The following ADAP1 variants were observed in gnomAD, a reference collection of about 807,000 sequenced individuals.
ADAP1 encodes ArfGAP with dual PH domains 1, also known as arf-GAP with dual PH domain-containing protein 1.
In ADAP1, 31 loss-of-function variants were observed where a neutral mutation model predicts 54.9. The ratio of observed to expected loss-of-function variants is 0.56; its 90% confidence interval spans 0.42 to 0.76. ADAP1 has a LOEUF of 0.76. ADAP1 is among the 30% of genes least tolerant of loss of function. The pLI, the probability that ADAP1 is intolerant of heterozygous loss-of-function variation, is 0.00. For missense variants in ADAP1, 535 were observed against 512.4 expected, an observed-to-expected ratio of 1.04 and a Z score of -0.42; for synonymous variants, 313 against 202.6, an observed-to-expected ratio of 1.55 and a Z score of -4.63.
Position 906,696 on chromosome 7 carries a change from T to TGGG in ADAP1, c.389-1525_389-1524insCCC, listed in dbSNP as rs1562915237. Among the ~76,000 whole-genome samples, 207 of 25,012 alleles carry TGGG rather than the reference T, an allele frequency of 8.3e-3. 4 individuals carry two copies. The highest frequency in any genetic ancestry group is 0.033 in the African/African-American group (150 of 4,602). 16.4% of individuals were successfully genotyped at this position (25,012 alleles called of 152,430 possible). ...ACATGGACAGGGGACACGGGGGACA[T>TGGG]GGACATGGGGGACGGGACATCGGGG... is the stretch of plus-strand genomic sequence containing the variant. On this transcript the variant is annotated intron_variant, in intron 4 of 10. Transcript: ENST00000265846.
At chr7:927,516 C>T (rs1372938355) in intron 2 of ADAP1, 1 of 470,268 alleles carries the variant, frequency 2.1e-6, no homozygotes, top group Non-Finnish European at 4.4e-6. Flanking sequence ...CGCAGCCAGG[C>T]CCAGCCAGAC....
chr7:948,172 G>A (rs1215190064), intron 1 of ADAP1, among the ~76,000 whole-genome samples: 1 of 150,080 alleles, frequency 6.7e-6, no homozygotes, highest in Non-Finnish European at 1.5e-5. Context: ...TCCTGAATCT[G>A]CAGGACCTGA....
chr7:917,343 AG>A (rs1261554837), intron 4 of ADAP1, among the ~76,000 whole-genome samples: 3 of 14,148 alleles, frequency 2.1e-4, no homozygotes, highest in Non-Finnish European at 3.1e-4. Context: ...GGTGCACGGG[AG>A]GGGGGCGCAG....
Position 954,561 on chromosome 7 carries a change from C to A in ADAP1, c.-84G>T, listed in dbSNP as rs1583195299. ...TCGCTAGGGCCCCGCGCAGGCCGCC[C>A]GCCGCCGCCGCCCCTGCGCCATCCC... On this transcript the variant is annotated 5_prime_UTR_variant, in exon 1 of 11. Transcript: ENST00000265846. 1.2e-5 allele frequency: 12 copies of A among 988,044 alleles called. No individual in the cohort carries two copies. The highest frequency in any genetic ancestry group is 1.4e-5 in the Non-Finnish European group (12 of 832,914). The allele number at this position is 988,044 out of a possible 1,614,324, so 61.2% of individuals were successfully genotyped here.
intron 4 of ADAP1, among the ~76,000 whole-genome samples, chr7:910,943 T>G (rs1323215639): frequency 1.3e-5 from 2 of 152,140 alleles, no homozygotes. Context: ...GAGCAGTGTC[T>G]CCTTGCTGGG....
chr7:905,022 T>G, intron 5 of ADAP1, 38 bp downstream of exon 5: 1 of 1,580,014 alleles, frequency 6.3e-7, no homozygotes, highest in Admixed American at 1.7e-5. Context: ...GATGCCGCCC[T>G]GGGACAGGCC....
rs1583161308 is a variant in ADAP1 at position 920,054 on chromosome 7, T to G, written c.306-4A>C. The G allele has an allele frequency of 1.2e-6, 2 of 1,604,206 alleles. No individual in the cohort carries two copies. The highest frequency in any genetic ancestry group is 2.7e-5 in the African/African-American group (2 of 74,202). On this transcript the variant is annotated splice_region_variant and splice_polypyrimidine_tract_variant and intron_variant, in intron 3 of 10. Coordinates refer to ENST00000265846, the MANE Select transcript of ADAP1 (RefSeq NM_006869.4). The surrounding 1 kb of genome is among the most constrained non-coding windows in gnomAD (Gnocchi z 4.5). ...GATCCACTGCTCTCGAAGGAGCCTG[T>G]GGGGAGAGGAGAGACTGAGCCACTG...
chr7:954,639 C>CGCCGCCGCCGCTCGTGTCTCCGCCGCGGA lies in ADAP1; in HGVS notation c.-163_-162insTCCGCGGCGGAGACACGAGCGGCGGCGGC. Reference sequence around the variant, plus strand: ...CGCATTCCCGCCGCCCTCTGGGCTCCGCCGCCGCCGCTCGTGTCTCCGCCG... The same window carrying CGCCGCCGCCGCTCGTGTCTCCGCCGCGGA: ...CGCATTCCCGCCGCCCTCTGGGCTCCGCCGCCGCCGCTCGTGTCTCCGCCGCGGAGCCGCCGCCGCTCGTGTCTCCGCCG... On this transcript the variant is annotated 5_prime_UTR_variant, in exon 1 of 11. Coordinates refer to ENST00000265846, the MANE Select transcript of ADAP1 (RefSeq NM_006869.4). 3.1e-6 allele frequency: 3 copies of CGCCGCCGCCGCTCGTGTCTCCGCCGCGGA among 981,502 alleles called. No individual in the cohort carries two copies. Among genetic ancestry groups the CGCCGCCGCCGCTCGTGTCTCCGCCGCGGA allele is most frequent in the Non-Finnish European group, 3.6e-6 (3 of 828,284 alleles). The allele number at this position is 981,502 out of a possible 1,614,324, so 60.8% of individuals were successfully genotyped here.
In ADAP1 at chr7:935,488, A is replaced by AG; in HGVS notation, c.99dup (p.Tyr34LeufsTer53). ...AGGCAGATGAAGACGCCCAGAGTGT[A>AG]GGAGGCCCAGTCGGGATCTGCAAGG... On this transcript the variant is annotated frameshift_variant, in exon 2 of 11. Transcript: ENST00000265846. LOFTEE classifies it high-confidence loss of function. 1 of 1,563,282 alleles carries AG rather than the reference A, an allele frequency of 6.4e-7. No individual in the cohort carries two copies. The highest frequency in any genetic ancestry group is 8.7e-7 in the Non-Finnish European group (1 of 1,154,016).
At chr7:913,967 G>C (rs966286095) in intron 4 of ADAP1, among the ~76,000 whole-genome samples, 2 of 152,210 alleles carry the variant, frequency 1.3e-5, no homozygotes, top group Non-Finnish European at 2.9e-5. Context: ...AAGCCCGGTG[G>C]TGATCCTTCC....
chr7:925,108 G>A (rs1024220193), intron 3 of ADAP1, among the ~76,000 whole-genome samples: 2 of 152,204 alleles, frequency 1.3e-5, no homozygotes, highest in African/African-American at 4.8e-5. Flanking sequence ...AGGCTCACGG[G>A]AGGCTCATCA....
rs1182823871 is a variant in ADAP1, at chr7:898,112, C to CCGG, written c.*806_*808dup. On this transcript the variant is annotated 3_prime_UTR_variant, in exon 11 of 11. Coordinates refer to ENST00000265846, the MANE Select transcript of ADAP1 (RefSeq NM_006869.4). ...CCCCACGCAAGGGGAGCCCTGGAGCCCGGCCTGCCTTGACAGGAAGGAGAT... is the reference window on the plus strand; with the variant it reads ...CCCCACGCAAGGGGAGCCCTGGAGCCCGGCGGCCTGCCTTGACAGGAAGGAGAT... 1.3e-5 allele frequency: 2 copies of CCGG among 152,372 alleles called. No homozygotes were observed. Among genetic ancestry groups the CCGG allele is most frequent in the African/African-American group, 2.4e-5 (1 of 41,460 alleles). 9.4% of individuals were successfully genotyped at this position (152,372 alleles called of 1,614,324 possible).
At chr7:949,194 C>T (rs1255891053) in intron 1 of ADAP1, among the ~76,000 whole-genome samples, 2 of 152,238 alleles carry the variant, frequency 1.3e-5, no homozygotes, top group African/African-American at 4.8e-5. Context: ...GCGCCTTGCC[C>T]GCCGGAGTCC....
Position 926,172 on chromosome 7 carries a change from G to A in ADAP1, c.305+381C>T, listed in dbSNP as rs1308083860. ...CAACCGGCCACCGGTACCCACGTCC[G>A]CTCCCGCCCTGAGGAGCCAGGGCAG... is the stretch of plus-strand genomic sequence containing the variant. On this transcript the variant is annotated intron_variant, in intron 3 of 10. Coordinates refer to ENST00000265846, the MANE Select transcript of ADAP1 (RefSeq NM_006869.4). The surrounding 1 kb of genome is among the most constrained non-coding windows in gnomAD (Gnocchi z 4.6). 6.6e-6 allele frequency among the ~76,000 whole-genome samples: 1 copy of A among 150,552 alleles called. No homozygotes were observed. The highest frequency in any genetic ancestry group is 2.4e-5 in the African/African-American group (1 of 40,960).
intron 6 of ADAP1, chr7:903,811 C>G: frequency 3.5e-6 from 1 of 289,408 alleles, no homozygotes; most frequent in South Asian, 3.9e-5. Context: ...CTAGCCCGAG[C>G]TGGCAGCCCC....
intron 1 of ADAP1, among the ~76,000 whole-genome samples, chr7:952,413 G>T (rs1030918194): frequency 6.6e-6 from 1 of 152,188 alleles, no homozygotes; most frequent in Non-Finnish European, 1.5e-5. Context: ...AGAACGTGCC[G>T]GCCACCCCAG....
intron 6 of ADAP1, chr7:901,108 G>T: frequency 2.2e-6 from 1 of 457,728 alleles, no homozygotes. Flanking sequence ...AGAGTGGGCA[G>T]AGAGCAAAAC....
intron 2 of ADAP1, among the ~76,000 whole-genome samples, chr7:934,773 G>A (rs574847768): frequency 1.3e-5 from 2 of 152,290 alleles, no homozygotes; most frequent in East Asian, 3.9e-4. Context: ...TCCCCATAGG[G>A]GCGTCTCTAG....
At chr7:914,465 C>G (rs1845849502) in intron 4 of ADAP1, among the ~76,000 whole-genome samples, 1 of 152,220 alleles carries the variant, frequency 6.6e-6, no homozygotes, top group Non-Finnish European at 1.5e-5. Flanking sequence ...CCAACTGGCG[C>G]TGGAGCCCTG....
Sources: allele counts gnomAD v4.1 joint callset (sites outside exome capture counted in the v4.1 genomes callset), GRCh38; gene constraint gnomAD v4.1.1; non-coding constraint Gnocchi (gnomAD v3.1); transcripts MANE v1.5; gene names NCBI Gene and HGNC (gene_info 2026-07-23, HGNC 2026-07-21).